RBMS2: variants seen among roughly 807,000 people sequenced by gnomAD.
RBMS2 encodes RNA binding motif single stranded interacting protein 2, also known as RNA-binding motif, single-stranded-interacting protein 2.
A neutral mutation model predicts 58.4 loss-of-function variants in RBMS2; 38 were observed. The observed-to-expected ratio is 0.65, with a 90% CI of 0.50 to 0.85. The LOEUF is 0.85. Among genes scored for constraint, RBMS2 ranks in the 40% least tolerant of loss-of-function variants. RBMS2 has a pLI of 0.00. For synonymous variants in RBMS2, 151 were observed against 180.7 expected (o/e 0.84, Z 1.32); for missense variants, 367 against 503.7 (o/e 0.73, Z 2.60).
upstream of RBMS2, among the ~76,000 whole-genome samples, chr12:56,521,411 G>C (rs1592296973): frequency 9.3e-6 from 1 of 106,972 alleles, no homozygotes; most frequent in East Asian, 3.4e-4. Flanking sequence ...CTGGGTGACA[G>C]ACTAAAACTC....
intron 13 of RBMS2, 56 bp downstream of exon 13, chr12:56,589,074 C>G: frequency 3.7e-6 from 6 of 1,612,432 alleles, no homozygotes; most frequent in Non-Finnish European, 8.5e-7. Flanking sequence ...AGCAGCTCAG[C>G]CCGGCCTGAA....
At chr12:56,531,941 C>G (rs142421718) in intron 1 of RBMS2, among the ~76,000 whole-genome samples, 1 of 151,796 alleles carries the variant, frequency 6.6e-6, no homozygotes, top group Non-Finnish European at 1.5e-5. Context: ...CATTGTGGGC[C>G]GGGCACTGTG....
At chr12:56,578,311 T>C (rs374515382) in intron 5 of RBMS2, among the ~76,000 whole-genome samples, 75 of 152,066 alleles carry the variant, frequency 4.9e-4, no homozygotes, top group African/African-American at 1.8e-3. Context: ...GTATTTTTAG[T>C]AGAGACAGGG....
At chr12:56,566,767 G>A (rs867273468) in intron 2 of RBMS2, among the ~76,000 whole-genome samples, 27 of 152,206 alleles carry the variant, frequency 1.8e-4, no homozygotes, top group Middle Eastern at 3.4e-3. Flanking sequence ...GCAGCGAGCC[G>A]AGATCACGCC....
chr12:56,561,769 CCTT>C (rs1368349778), intron 1 of RBMS2, among the ~76,000 whole-genome samples: 200 of 11,410 alleles, frequency 0.018, 1 homozygote, highest in Admixed American at 0.075. Flanking sequence ...CCCCCCCCCT[CCTT>C]GGCCTCCCAA....
Position 56,595,610 on chromosome 12 carries a change from G to T in RBMS2, c.*6477G>T, listed in dbSNP as rs1173405165. ...AAAACACAAAAGTCTACGTCTTGGT[G>T]TCTTATCCGTGAGTGGGAAGTGGTA... On this transcript the variant is annotated 3_prime_UTR_variant, in exon 14 of 14. Transcript: ENST00000262031. 6.6e-6 allele frequency: 1 copy of T among 151,002 alleles called. No individual in the cohort carries two copies. The highest frequency in any genetic ancestry group is 1.9e-4 in the East Asian group (1 of 5,162). 9.4% of individuals were successfully genotyped at this position (151,002 alleles called of 1,614,324 possible). A position where few individuals can be genotyped will look rare whatever the true frequency, so the allele number is the denominator to read the frequency against.
chr12:56,577,835 G>A (rs564392227), intron 5 of RBMS2, among the ~76,000 whole-genome samples: 32 of 152,032 alleles, frequency 2.1e-4, no homozygotes, highest in Admixed American at 5.2e-4. Context: ...GGCACATGCC[G>A]CCACGCCCGG....
Position 56,594,054 on chromosome 12 carries a change from T to G in RBMS2, c.*4921T>G, listed in dbSNP as rs1448227716. ...CTCCACTCCATTCGTTTTCCTTTCCTAACTTGACAATCAGCTCACTCACCC... is the reference window on the plus strand; with the variant it reads ...CTCCACTCCATTCGTTTTCCTTTCCGAACTTGACAATCAGCTCACTCACCC... On this transcript the variant is annotated 3_prime_UTR_variant, in exon 14 of 14. Transcript: ENST00000262031. 1 of 152,306 alleles carries G rather than the reference T, an allele frequency of 6.6e-6. No individual in the cohort carries two copies. Among genetic ancestry groups the G allele is most frequent in the African/African-American group, 2.4e-5 (1 of 41,440 alleles). 9.4% of individuals were successfully genotyped at this position (152,306 alleles called of 1,614,324 possible).
At chr12:56,520,562 T>C (rs1272082303), upstream of RBMS2, among the ~76,000 whole-genome samples, 1 of 152,210 alleles carries the variant, frequency 6.6e-6, no homozygotes, top group Admixed American at 6.5e-5. Context: ...TTACTGGATA[T>C]CATTCTTAAG....
At chr12:56,584,335 A>T (rs1229035379) in intron 9 of RBMS2, among the ~76,000 whole-genome samples, 1 of 151,010 alleles carries the variant, frequency 6.6e-6, no homozygotes, top group Non-Finnish European at 1.5e-5. Context: ...CAGGAGGCTG[A>T]GGTGGGAGAA....
chr12:56,586,792 C>T, intron 9 of RBMS2, 57 bp from the exon 10 acceptor site: 1 of 1,422,984 alleles, frequency 7.0e-7, no homozygotes, highest in Non-Finnish European at 9.9e-7. Context: ...ATTATTAGAT[C>T]TGTGGGCTGA....
At position 56,596,089 on chromosome 12, in the gene RBMS2, GAAAT is replaced by G. The variant is rs1231812529; in HGVS notation, c.*6961_*6964del. On this transcript the variant is annotated 3_prime_UTR_variant, in exon 14 of 14. Transcript: ENST00000262031. ...GAGATTGGTCCTAAAAATATAGAAA[GAAAT>G]AAATTTAAATTCACAAAAAACTGTA... 3 of 152,752 alleles carry G rather than the reference GAAAT, an allele frequency of 2.0e-5. No individual in the cohort carries two copies. Among genetic ancestry groups the G allele is most frequent in the Admixed American group, 6.5e-5 (1 of 15,304 alleles). The allele number at this position is 152,752 out of a possible 1,614,324, so 9.5% of individuals were successfully genotyped here. A position where few individuals can be genotyped will look rare whatever the true frequency, so the allele number is the denominator to read the frequency against.
At chr12:56,565,817 G>A (rs1565761405) in intron 2 of RBMS2, among the ~76,000 whole-genome samples, 1 of 152,040 alleles carries the variant, frequency 6.6e-6, no homozygotes, top group Non-Finnish European at 1.5e-5. Context: ...TGGCATGTGG[G>A]AAGGAGAGGC....
At chr12:56,563,305 G>A (rs1592432682) in intron 2 of RBMS2, among the ~76,000 whole-genome samples, 1 of 152,138 alleles carries the variant, frequency 6.6e-6, no homozygotes, top group South Asian at 2.1e-4. Flanking sequence ...ACCTTGAATA[G>A]AGAAGTTTAA....
intron 1 of RBMS2, among the ~76,000 whole-genome samples, chr12:56,549,196 T>A (rs772316571): frequency 6.6e-6 from 1 of 152,108 alleles, no homozygotes; most frequent in Non-Finnish European, 1.5e-5. Context: ...GGTTTCACCA[T>A]GTTGACCAGG....
intron 1 of RBMS2, among the ~76,000 whole-genome samples, chr12:56,525,748 G>A (rs758315926): frequency 2.6e-5 from 4 of 151,902 alleles, no homozygotes; most frequent in South Asian, 2.1e-4. Flanking sequence ...TGCAACCTCC[G>A]ACTCCTGGGT....
intron 1 of RBMS2, among the ~76,000 whole-genome samples, chr12:56,523,673 T>C (rs1455025057): frequency 6.6e-6 from 1 of 152,092 alleles, no homozygotes; most frequent in Non-Finnish European, 1.5e-5. Flanking sequence ...AGCAGGAGAA[T>C]CACTTGAACC....
chr12:56,583,600 G>A (rs915905709), intron 9 of RBMS2, among the ~76,000 whole-genome samples: 2 of 151,778 alleles, frequency 1.3e-5, no homozygotes, highest in African/African-American at 2.4e-5. Flanking sequence ...GTTGTGGTGA[G>A]CCGAGATCGC....
At chr12:56,586,722 G>A (rs1884722563) in intron 9 of RBMS2, 127 bp from the exon 10 acceptor site, 2 of 763,654 alleles carry the variant, frequency 2.6e-6, no homozygotes, top group Non-Finnish European at 4.4e-6. Flanking sequence ...TTTAAAAACA[G>A]TTTTTCTTAA....
Sources: gnomAD v4.1 joint callset for allele counts (sites outside exome capture counted in the v4.1 genomes callset) on GRCh38, gnomAD v4.1.1 for gene constraint, MANE v1.5 for transcripts, NCBI Gene and HGNC (gene_info 2026-07-23, HGNC 2026-07-21) for gene names.